The following PMF1 variants were observed in gnomAD, a reference collection of about 807,000 sequenced individuals.
The protein encoded by PMF1 is polyamine-modulated factor 1.
Under a neutral mutation model 26.7 loss-of-function variants are expected in PMF1, and 21 were observed. That is an observed-to-expected ratio of 0.79 (90% CI 0.56 to 1.13). The LOEUF (loss-of-function observed/expected upper bound fraction) is 1.13, where lower values mean the gene tolerates loss of function less well. PMF1 is among the 50% of genes most tolerant of loss of function. The probability of loss-of-function intolerance (pLI) is 0.00; values close to 1 mark genes in which losing one functional copy is unlikely to be tolerated. For synonymous variants in PMF1, 105 were observed against 101.0 expected, an observed-to-expected ratio of 1.04 and a Z score of -0.24; for missense variants, 266 against 254.9, an observed-to-expected ratio of 1.04 and a Z score of -0.30.
At chr1:156,221,893 C>T (rs1198092913) in intron 1 of PMF1, among the ~76,000 whole-genome samples, 2 of 152,182 alleles carry the variant, frequency 1.3e-5, no homozygotes, top group Non-Finnish European at 2.9e-5. Context: ...CAGCCTCTCT[C>T]GCCTCCGACT....
intron 1 of PMF1, among the ~76,000 whole-genome samples, chr1:156,217,711 G>A (rs1472268413): frequency 1.4e-5 from 2 of 147,766 alleles, no homozygotes; most frequent in Non-Finnish European, 3.0e-5. Flanking sequence ...CTGGGCAACA[G>A]AGCTAGTCTC....
chr1:156,233,320 AT>A (rs572347708), intron 2 of PMF1, among the ~76,000 whole-genome samples: 292 of 138,360 alleles, frequency 2.1e-3, no homozygotes, highest in Middle Eastern at 0.011. Context: ...CATCCAGCTA[AT>A]TTTTTTTTTT....
At chr1:156,216,606 CCCGGTG>C (rs1437833433) in intron 1 of PMF1, among the ~76,000 whole-genome samples, 1 of 151,794 alleles carries the variant, frequency 6.6e-6, no homozygotes, top group Admixed American at 6.6e-5. Flanking sequence ...CGTCCCGACT[CCCGGTG>C]CCGGCCCGGG....
intron 1 of PMF1, among the ~76,000 whole-genome samples, chr1:156,225,009 C>T (rs1384649080): frequency 6.6e-5 from 10 of 151,710 alleles, no homozygotes; most frequent in Non-Finnish European, 1.5e-4. Flanking sequence ...AAGCGATTCT[C>T]CTGCCTCAGC....
At chr1:156,213,882 C>G (rs768349392) in intron 1 of PMF1, among the ~76,000 whole-genome samples, 7 of 152,090 alleles carry the variant, frequency 4.6e-5, no homozygotes, top group Non-Finnish European at 8.8e-5. Context: ...TGAAAAGAAA[C>G]ATTTTTCCTG....
chr1:156,225,209 T>A (rs1658290409), intron 1 of PMF1, among the ~76,000 whole-genome samples: 1 of 151,920 alleles, frequency 6.6e-6, no homozygotes, highest in Non-Finnish European at 1.5e-5. Context: ...TGAGAAACAT[T>A]TCTTAATGAA....
At chr1:156,237,603 CA>C (rs1197909612) in intron 4 of PMF1, among the ~76,000 whole-genome samples, 5 of 151,972 alleles carry the variant, frequency 3.3e-5, no homozygotes, top group African/African-American at 1.2e-4. Context: ...TGAGCTGCCA[CA>C]CCCAGCTAAA....
intron 1 of PMF1, among the ~76,000 whole-genome samples, chr1:156,225,895 C>G (rs1482422005): frequency 1.3e-5 from 2 of 152,124 alleles, no homozygotes; most frequent in Non-Finnish European, 2.9e-5. Context: ...CACTCTGTTG[C>G]CCAGGCTGGA....
intron 1 of PMF1, chr1:156,225,417 T>C (rs1189129163): frequency 9.2e-6 from 5 of 545,004 alleles, no homozygotes; most frequent in African/African-American, 5.7e-5. Flanking sequence ...GTGTACACTA[T>C]ACCCAGTATG....
chr1:156,221,505 A>G (rs978224743), intron 1 of PMF1, among the ~76,000 whole-genome samples: 1 of 152,110 alleles, frequency 6.6e-6, no homozygotes, highest in Non-Finnish European at 1.5e-5. Context: ...AGTCTCCCCT[A>G]CATAAAACCT....
intron 4 of PMF1, among the ~76,000 whole-genome samples, chr1:156,239,007 G>A (rs981902938): frequency 1.3e-5 from 2 of 152,014 alleles, no homozygotes; most frequent in African/African-American, 4.8e-5. Context: ...CAGTCACCAT[G>A]AGGCCATGGG....
intron 1 of PMF1, among the ~76,000 whole-genome samples, chr1:156,219,825 C>T (rs1418620520): frequency 6.6e-6 from 1 of 152,198 alleles, no homozygotes; most frequent in East Asian, 1.9e-4. Flanking sequence ...TCACAGCTCA[C>T]TGCAACCTCC....
At chr1:156,220,034 G>C (rs946243822) in intron 1 of PMF1, among the ~76,000 whole-genome samples, 54 of 149,298 alleles carry the variant, frequency 3.6e-4, no homozygotes, top group Non-Finnish European at 6.9e-4. Context: ...CGCTGTCTCC[G>C]CTCACTGCAA....
At position 156,239,882 on chromosome 1, in the gene PMF1, C is replaced by T. The variant is rs1199958221; in HGVS notation, c.*281C>T. 5.1e-6 allele frequency: 2 copies of T among 393,320 alleles called. No homozygotes were observed. Among genetic ancestry groups the T allele is most frequent in the Non-Finnish European group, 9.1e-6 (2 of 218,604 alleles). 24.4% of individuals were successfully genotyped at this position (393,320 alleles called of 1,614,324 possible). On this transcript the variant is annotated 3_prime_UTR_variant, in exon 5 of 5. Coordinates refer to ENST00000368277, the MANE Select transcript of PMF1 (RefSeq NM_007221.4). ...CTTCTCTAGGTTCAGGTCAGCTCTG[C>T]CCCTCCGCCCCCCTCCTGCTGGTTC...
At chr1:156,225,682 C>A in intron 1 of PMF1, 1 of 1,434,122 alleles carries the variant, frequency 7.0e-7, no homozygotes, top group Non-Finnish European at 9.6e-7. Context: ...AGTCCTGGCT[C>A]CTTTTTTGGC....
intron 1 of PMF1, among the ~76,000 whole-genome samples, chr1:156,215,777 C>A (rs1277156761): frequency 6.6e-6 from 1 of 152,028 alleles, no homozygotes; most frequent in East Asian, 1.9e-4. Context: ...CAACCCCTGC[C>A]TCTTGGGTTC....
At chr1:156,237,183 A>G (rs1249066445) in intron 4 of PMF1, 1 of 152,440 alleles carries the variant, frequency 6.6e-6, no homozygotes, top group Non-Finnish European at 1.5e-5. Flanking sequence ...CAGCCTCCTG[A>G]ATAGCTGGGA....
At chr1:156,235,228 G>A (rs1277726860) in intron 3 of PMF1, among the ~76,000 whole-genome samples, 3 of 150,896 alleles carry the variant, frequency 2.0e-5, no homozygotes, top group Admixed American at 6.6e-5. Context: ...GGGTCCAAGC[G>A]ATTCTCCTGC....
intron 1 of PMF1, among the ~76,000 whole-genome samples, chr1:156,215,020 G>C (rs1260272118): frequency 6.6e-6 from 1 of 151,880 alleles, no homozygotes; most frequent in Non-Finnish European, 1.5e-5. Flanking sequence ...TGAGATTACA[G>C]GTGCCTGCTA....
Sources: allele counts gnomAD v4.1 joint callset (sites outside exome capture counted in the v4.1 genomes callset), GRCh38; gene constraint gnomAD v4.1.1; transcripts MANE v1.5; gene names NCBI Gene and HGNC (gene_info 2026-07-23, HGNC 2026-07-21).